KLF13: variants seen among roughly 807,000 people sequenced by gnomAD.
KLF13 encodes the protein KLF transcription factor 13, also known as Krueppel-like factor 13.
Under a neutral mutation model 16.7 loss-of-function variants are expected in KLF13, and 8 were observed. The ratio of observed to expected loss-of-function variants is 0.48; its 90% confidence interval spans 0.28 to 0.87. The LOEUF is 0.87. KLF13 is among the 40% of genes least tolerant of loss of function. The probability of loss-of-function intolerance (pLI) is 0.10; values close to 1 mark genes in which losing one functional copy is unlikely to be tolerated. For missense variants in KLF13, 447 were observed against 452.2 expected, an observed-to-expected ratio of 0.99 and a Z score of 0.10; for synonymous variants, 245 against 208.4, an observed-to-expected ratio of 1.18 and a Z score of -1.51.
At chr15:31,396,386 T>C (rs2039952423) in intron 2 of KLF13, among the ~76,000 whole-genome samples, 1 of 151,116 alleles carries the variant, frequency 6.6e-6, no homozygotes, top group African/African-American at 2.4e-5. Flanking sequence ...CTTGATCTCT[T>C]GACCTTGTGA....
intron 1 of KLF13, among the ~76,000 whole-genome samples, chr15:31,370,836 C>G (rs1034837056): frequency 6.6e-6 from 1 of 152,150 alleles, no homozygotes; most frequent in African/African-American, 2.4e-5. Context: ...CTTCTCTTTC[C>G]TGGCTTCACT....
chr15:31,397,992 C>A (rs1029835138), intron 2 of KLF13, among the ~76,000 whole-genome samples: 2 of 152,078 alleles, frequency 1.3e-5, no homozygotes, highest in Non-Finnish European at 2.9e-5. Flanking sequence ...AGCTGCTCTC[C>A]GGGTCGACCC....
chr15:31,338,505 C>T (rs997736058), intron 1 of KLF13, among the ~76,000 whole-genome samples: 2 of 152,194 alleles, frequency 1.3e-5, no homozygotes, highest in Admixed American at 1.3e-4. Context: ...GCCCTATGAA[C>T]CCCAGTGGGG....
At chr15:31,332,970 T>C (rs1566801251) in intron 1 of KLF13, among the ~76,000 whole-genome samples, 1 of 152,190 alleles carries the variant, frequency 6.6e-6, no homozygotes, top group Non-Finnish European at 1.5e-5. Context: ...ATGAACACTC[T>C]AGCAGGGATC....
rs1173608877 is a variant in KLF13 at position 31,423,149 on chromosome 15, ATATACGTATATATATG to A, written n.118-12216_118-12201del. ...TATATATACGTATACGTATACGTATATATACGTATATATATGTATATATATACATATATACGTATAT... is the reference window on the plus strand; with the variant it reads ...TATATATACGTATACGTATACGTATATATATATATACATATATACGTATAT... On this transcript the variant is annotated intron_variant and non_coding_transcript_variant, in intron 1 of 1. Coordinates refer to the KLF13 transcript ENST00000558225. Among the ~76,000 whole-genome samples the A allele has an allele frequency of 3.9e-4, 40 of 102,406 alleles. 15 individuals are homozygous for A. Among genetic ancestry groups the A allele is most frequent in the African/African-American group, 2.9e-3 (40 of 13,914 alleles). The allele number at this position is 102,406 out of a possible 152,430, so 67.2% of individuals were successfully genotyped here. A position where few individuals can be genotyped will look rare whatever the true frequency, so the allele number is the denominator to read the frequency against.
At chr15:31,433,122 T>C (rs1183121879) in intron 1 of KLF13, among the ~76,000 whole-genome samples, 2 of 152,182 alleles carry the variant, frequency 1.3e-5, no homozygotes, top group African/African-American at 4.8e-5. Flanking sequence ...GAGAAACTGT[T>C]TGATCTTGTT....
chr15:31,406,973 C>T (rs979060710), downstream of KLF13, among the ~76,000 whole-genome samples: 1 of 152,174 alleles, frequency 6.6e-6, no homozygotes, highest in Non-Finnish European at 1.5e-5. Flanking sequence ...CTCCCCATTT[C>T]AAGATTTTAA....
downstream of KLF13, among the ~76,000 whole-genome samples, chr15:31,405,395 C>CT (rs2040112202): frequency 6.6e-6 from 1 of 152,242 alleles, no homozygotes; most frequent in Admixed American, 6.5e-5. Flanking sequence ...AGCAAGAAGA[C>CT]TGCGGTCTAC....
At chr15:31,352,179 C>T (rs2140948853) in intron 1 of KLF13, among the ~76,000 whole-genome samples, 1 of 152,346 alleles carries the variant, frequency 6.6e-6, no homozygotes, top group East Asian at 1.9e-4. Flanking sequence ...GAGCTTCAGA[C>T]TGTTCCGAAT....
At chr15:31,330,247 G>T (rs886298605) in intron 1 of KLF13, among the ~76,000 whole-genome samples, 1 of 152,228 alleles carries the variant, frequency 6.6e-6, no homozygotes, top group Non-Finnish European at 1.5e-5. Context: ...AGGTGTCCGT[G>T]GTTTGTGGGC....
chr15:31,403,473 A>C (rs1431777630), exon 3 of KLF13: 1 of 152,244 alleles, frequency 6.6e-6, no homozygotes, highest in Non-Finnish European at 1.5e-5. Flanking sequence ...TGGGGTGTGC[A>C]GTAGTGTCAT....
At chr15:31,434,486 T>C (rs1422017976) in intron 1 of KLF13, among the ~76,000 whole-genome samples, 1 of 151,244 alleles carries the variant, frequency 6.6e-6, no homozygotes, top group Non-Finnish European at 1.5e-5. Flanking sequence ...AGAGTTGGGG[T>C]GTGGAAAGGC....
rs72722833 is a variant in KLF13, at chr15:31,355,154, G to A, written c.578-16856G>A. Among the ~76,000 whole-genome samples the A allele has an allele frequency of 9.1e-3, 1,383 of 152,270 alleles. 12 individuals carry two copies. The highest frequency in any genetic ancestry group is 0.017 in the Middle Eastern group (5 of 294). ...TATGAGATCAAAAGCAACAACAACC[G>A]AAACAATCAACAGTGCTACTAAGGT... On this transcript the variant is annotated intron_variant, in intron 1 of 1. Transcript: ENST00000307145.
chr15:31,331,355 T>TAAA (rs1416509098), intron 1 of KLF13, among the ~76,000 whole-genome samples: 1 of 152,218 alleles, frequency 6.6e-6, no homozygotes, highest in Non-Finnish European at 1.5e-5. Flanking sequence ...GTCAGCCATT[T>TAAA]CCTGTGATAA....
At chr15:31,400,948 T>C (rs2040027357) in intron 2 of KLF13, among the ~76,000 whole-genome samples, 2 of 152,056 alleles carry the variant, frequency 1.3e-5, no homozygotes, top group Admixed American at 1.3e-4. Context: ...CTTTTTGATG[T>C]CACCAGGTGA....
rs183348267 is a variant in KLF13 at position 31,421,975 on chromosome 15, C to T, written n.118-13395C>T. On this transcript the variant is annotated intron_variant and non_coding_transcript_variant, in intron 1 of 1. Coordinates refer to the KLF13 transcript ENST00000558225. The stretch of plus-strand genomic sequence containing the variant: ...CCAAAAATATAAAAAATTAGCAGGG[C>T]ATGGTGGCGTGCACCTGTAATCCCA... Among the ~76,000 whole-genome samples the T allele has an allele frequency of 3.2e-4, 49 of 151,998 alleles. 1 individual carries two copies. In the East Asian group the frequency reaches 8.7e-3, roughly 27 times the overall value.
chr15:31,334,030 C>T (rs1294935571), intron 1 of KLF13, among the ~76,000 whole-genome samples: 3 of 152,174 alleles, frequency 2.0e-5, no homozygotes, highest in African/African-American at 7.2e-5. Flanking sequence ...GGCTCAGCCC[C>T]TTCTGTCCAC....
downstream of KLF13, among the ~76,000 whole-genome samples, chr15:31,382,634 C>T (rs896011791): frequency 1.3e-5 from 2 of 152,162 alleles, no homozygotes; most frequent in Non-Finnish European, 2.9e-5. Flanking sequence ...CACCTGGCAG[C>T]TCAGTGTGTC....
chr15:31,390,675 T>C (rs1350672834), upstream of KLF13, among the ~76,000 whole-genome samples: 1 of 152,194 alleles, frequency 6.6e-6, no homozygotes, highest in Non-Finnish European at 1.5e-5. Flanking sequence ...GTCTGTTCCT[T>C]AGGTCTGCAA....
Sources: gnomAD v4.1 joint callset for allele counts (sites outside exome capture counted in the v4.1 genomes callset) on GRCh38, gnomAD v4.1.1 for gene constraint, MANE v1.5 for transcripts, NCBI Gene and HGNC (gene_info 2026-07-23, HGNC 2026-07-21) for gene names.